The following EMB variants were observed in gnomAD, a reference collection of about 807,000 sequenced individuals.
EMB encodes the protein embigin homolog.
Under a neutral mutation model 41.4 loss-of-function variants are expected in EMB, and 31 were observed. The observed-to-expected ratio is 0.75, with a 90% CI of 0.56 to 1.01. The LOEUF is 1.01. Ranked by LOEUF, EMB falls within the 50% of genes least tolerant of loss-of-function variation. The pLI is 0.00. For synonymous variants in EMB, 137 were observed against 140.4 expected (o/e 0.98, Z 0.17); for missense variants, 379 against 388.3 (o/e 0.98, Z 0.20).
chr5:50,434,369 G>A (rs1280626627), intron 1 of EMB, among the ~76,000 whole-genome samples: 16 of 152,140 alleles, frequency 1.1e-4, no homozygotes, highest in Admixed American at 9.8e-4. Context: ...CTAAATTCCT[G>A]TTCTGCATAG....
intron 4 of EMB, among the ~76,000 whole-genome samples, chr5:50,410,070 G>A (rs1229632989): frequency 1.3e-5 from 2 of 152,060 alleles, no homozygotes; most frequent in Non-Finnish European, 2.9e-5. Context: ...TTCTGTCACA[G>A]CAGACAGTCG....
chr5:50,429,980 C>T lies in EMB; in HGVS notation c.113-1753G>A, dbSNP rs1272032091. Among the ~76,000 whole-genome samples the T allele has an allele frequency of 1.3e-3, 79 of 59,868 alleles. 1 individual carries two copies. In the South Asian group the frequency reaches 0.015, roughly 11 times the overall value. 39.3% of individuals were successfully genotyped at this position (59,868 alleles called of 152,430 possible). On this transcript the variant is annotated intron_variant, in intron 1 of 8. Transcript: ENST00000303221. ...TCCCCAACTCTCTTTCTCTCTCTCT[C>T]TCTCTCTCTCTCTCTCTCTCTCTCT...
chr5:50,431,260 G>A (rs1475460499), intron 1 of EMB, among the ~76,000 whole-genome samples: 4 of 152,160 alleles, frequency 2.6e-5, no homozygotes, highest in Non-Finnish European at 4.4e-5. Context: ...TGGAAAAGCA[G>A]GGCAACCTAC....
intron 7 of EMB, among the ~76,000 whole-genome samples, chr5:50,400,140 A>G (rs1229709204): frequency 1.3e-5 from 2 of 152,032 alleles, no homozygotes; most frequent in African/African-American, 4.8e-5. Context: ...TTTTATGCAC[A>G]GGGAGAATTG....
At chr5:50,401,162 G>T (rs552121304) in intron 7 of EMB, among the ~76,000 whole-genome samples, 11 of 152,108 alleles carry the variant, frequency 7.2e-5, no homozygotes, top group Non-Finnish European at 1.5e-4. Flanking sequence ...CCAACTATGG[G>T]AGTCTATGAT....
chr5:50,441,364 ATGCAGCCCTCAGCCGGC>A (rs1745910782), upstream of EMB: 1 of 358,680 alleles, frequency 2.8e-6, no homozygotes, highest in South Asian at 1.2e-4. Flanking sequence ...TCCATCAGTT[ATGCAGCCCTCAGCCGGC>A]TGCTGGCGTT....
intron 5 of EMB, among the ~76,000 whole-genome samples, chr5:50,404,347 T>G (rs1179599923): frequency 1.3e-5 from 2 of 151,956 alleles, no homozygotes; most frequent in Non-Finnish European, 2.9e-5. Flanking sequence ...TGGTACAGAT[T>G]GGTCAGAGCT....
intron 2 of EMB, among the ~76,000 whole-genome samples, chr5:50,421,542 T>G (rs1745523556): frequency 6.6e-6 from 1 of 152,138 alleles, no homozygotes; most frequent in South Asian, 2.1e-4. Context: ...ATCCCATTAC[T>G]GGGTATATAC....
intron 2 of EMB, among the ~76,000 whole-genome samples, chr5:50,423,888 T>C (rs1745566803): frequency 6.6e-6 from 1 of 152,228 alleles, no homozygotes; most frequent in Non-Finnish European, 1.5e-5. Flanking sequence ...GGGAATCTTT[T>C]GGTTTAAATG....
rs561496333 is a variant in EMB at position 50,396,742 on chromosome 5, C to T, written c.*2531G>A. Reference sequence around the variant, plus strand: ...TTGAGAAAGTGGACTCAGGCAGCCACGCAAAAGAGGGATTAATAGAAAAGG... The same window carrying T: ...TTGAGAAAGTGGACTCAGGCAGCCATGCAAAAGAGGGATTAATAGAAAAGG... On this transcript the variant is annotated 3_prime_UTR_variant, in exon 9 of 9. Coordinates refer to ENST00000303221, the MANE Select transcript of EMB (RefSeq NM_198449.3). The T allele has an allele frequency of 1.5e-4, 23 of 151,952 alleles. No homozygotes were observed. In the East Asian group the frequency reaches 3.9e-3, roughly 26 times the overall value. 9.4% of individuals were successfully genotyped at this position (151,952 alleles called of 1,614,324 possible). A position where few individuals can be genotyped will look rare whatever the true frequency, so the allele number is the denominator to read the frequency against.
chr5:50,428,017 T>A (rs1411815100), intron 2 of EMB, 127 bp downstream of exon 2: 8 of 627,616 alleles, frequency 1.3e-5, no homozygotes, highest in Non-Finnish European at 1.9e-5. Context: ...TCACTACTGG[T>A]ATGTTTTCCC....
chr5:50,422,169 A>C (rs942838025), intron 2 of EMB, among the ~76,000 whole-genome samples: 1 of 152,260 alleles, frequency 6.6e-6, no homozygotes, highest in African/African-American at 2.4e-5. Flanking sequence ...TAAAATACCA[A>C]GAAATTAATG....
chr5:50,415,003 G>GT (rs980080515), intron 2 of EMB, among the ~76,000 whole-genome samples: 19 of 152,016 alleles, frequency 1.2e-4, no homozygotes, highest in Non-Finnish European at 1.8e-4. Context: ...CACTGAAGTC[G>GT]TTTTTTTATT....
chr5:50,407,686 C>A (rs1321396116), intron 4 of EMB, among the ~76,000 whole-genome samples: 1 of 151,998 alleles, frequency 6.6e-6, no homozygotes, highest in Non-Finnish European at 1.5e-5. Flanking sequence ...TTCAGGGCCA[C>A]AGCTTATATT....
At chr5:50,419,548 T>TACACAC (rs58712109) in intron 2 of EMB, among the ~76,000 whole-genome samples, 1,784 of 147,212 alleles carry the variant, frequency 0.012, 19 homozygotes, top group African/African-American at 0.035. Flanking sequence ...CACACACACA[T>TACACAC]ACACACACAC....
At chr5:50,406,648 A>G (rs2111781344) in intron 4 of EMB, among the ~76,000 whole-genome samples, 1 of 152,128 alleles carries the variant, frequency 6.6e-6, no homozygotes, top group African/African-American at 2.4e-5. Flanking sequence ...TGTATTATAG[A>G]AGGTACACTT....
intron 1 of EMB, chr5:50,428,863 GTTACT>G (rs1745666429): frequency 3.3e-6 from 1 of 301,590 alleles, no homozygotes; most frequent in Non-Finnish European, 4.9e-6. Flanking sequence ...TCTCTTCGAA[GTTACT>G]TTATTTATTT....
chr5:50,411,839 G>A (rs1162036718), intron 2 of EMB: 1 of 152,242 alleles, frequency 6.6e-6, no homozygotes, highest in Non-Finnish European at 1.5e-5. Context: ...TGTTTTGTGT[G>A]TAACATGGAT....
At chr5:50,432,750 TAAAAAAAA>T (rs35639181) in intron 1 of EMB, among the ~76,000 whole-genome samples, 1 of 98,962 alleles carries the variant, frequency 1.0e-5, no homozygotes, top group Non-Finnish European at 1.9e-5. Flanking sequence ...GAAAAACAAG[TAAAAAAAA>T]AAAAAAAAAA....
Sources: allele counts gnomAD v4.1 joint callset (sites outside exome capture counted in the v4.1 genomes callset), GRCh38; gene constraint gnomAD v4.1.1; transcripts MANE v1.5; gene names NCBI Gene and HGNC (gene_info 2026-07-23, HGNC 2026-07-21).